Variants in PPM1L observed in about 807,000 individuals in gnomAD.
PPM1L encodes the protein protein phosphatase, Mg2+/Mn2+ dependent 1L.
Under a neutral mutation model 31.4 loss-of-function variants are expected in PPM1L, and 13 were observed. The ratio of observed to expected loss-of-function variants is 0.41; its 90% CI spans 0.27 to 0.66. The LOEUF (loss-of-function observed/expected upper bound fraction) is 0.66. Ranked by LOEUF, PPM1L falls within the 30% of genes least tolerant of loss-of-function variation. The pLI is 0.29. For synonymous variants in PPM1L, 184 were observed against 175.4 expected, an observed-to-expected ratio of 1.05 and a Z score of -0.39; for missense variants, 326 against 453.7, an observed-to-expected ratio of 0.72 and a Z score of 2.56.
intron 2 of PPM1L, among the ~76,000 whole-genome samples, chr3:161,042,894 C>T (rs566447230): frequency 6.6e-6 from 1 of 151,998 alleles, no homozygotes; most frequent in Admixed American, 6.5e-5. Context: ...GTGGCAGGCT[C>T]CTGTAATCCC....
chr3:160,998,527 C>T (rs1310029234), intron 2 of PPM1L, among the ~76,000 whole-genome samples: 1 of 151,830 alleles, frequency 6.6e-6, no homozygotes, highest in African/African-American at 2.4e-5. Context: ...TTATCATTAC[C>T]TTCTTCAGGG....
chr3:160,856,822 AG>A (rs1426546346), intron 1 of PPM1L, among the ~76,000 whole-genome samples: 1 of 152,026 alleles, frequency 6.6e-6, no homozygotes, highest in Non-Finnish European at 1.5e-5. Flanking sequence ...AAAAAAAAAA[AG>A]AAATTCAGAT....
At chr3:161,019,579 T>C (rs1162483291) in intron 2 of PPM1L, among the ~76,000 whole-genome samples, 4 of 152,170 alleles carry the variant, frequency 2.6e-5, no homozygotes, top group African/African-American at 9.7e-5. Flanking sequence ...ACTACAAAGA[T>C]GGAAATTTGT....
At chr3:160,920,730 A>G (rs1714377405) in intron 1 of PPM1L, among the ~76,000 whole-genome samples, 1 of 151,584 alleles carries the variant, frequency 6.6e-6, no homozygotes, top group Non-Finnish European at 1.5e-5. Flanking sequence ...GGTGGTGATG[A>G]GGGAAGCTTT....
At chr3:160,954,608 C>G (rs1233582517) in intron 1 of PPM1L, among the ~76,000 whole-genome samples, 4 of 152,118 alleles carry the variant, frequency 2.6e-5, no homozygotes, top group African/African-American at 9.7e-5. Context: ...AAATGATCCG[C>G]CCACCTCAGC....
At chr3:160,972,530 C>T (rs993266083) in intron 2 of PPM1L, among the ~76,000 whole-genome samples, 1 of 152,138 alleles carries the variant, frequency 6.6e-6, no homozygotes, top group African/African-American at 2.4e-5. Context: ...GACATGAACT[C>T]ATCATTTTTT....
intron 1 of PPM1L, among the ~76,000 whole-genome samples, chr3:160,942,277 A>G (rs1055098421): frequency 1.3e-5 from 2 of 152,074 alleles, no homozygotes; most frequent in Non-Finnish European, 2.9e-5. Flanking sequence ...TTTATTTTGT[A>G]GAGATGGGAG....
At chr3:161,040,222 C>A (rs562127698) in intron 2 of PPM1L, among the ~76,000 whole-genome samples, 18 of 152,230 alleles carry the variant, frequency 1.2e-4, no homozygotes, top group African/African-American at 4.3e-4. Flanking sequence ...TGATATGAAG[C>A]CATTTCTCTC....
intron 1 of PPM1L, among the ~76,000 whole-genome samples, chr3:160,863,265 T>A (rs1339457542): frequency 6.6e-6 from 1 of 152,194 alleles, no homozygotes; most frequent in East Asian, 1.9e-4. Context: ...TTCAAAACAC[T>A]TCATAGCAAA....
chr3:160,930,813 G>T (rs1188130795), intron 1 of PPM1L, among the ~76,000 whole-genome samples: 1 of 143,018 alleles, frequency 7.0e-6, no homozygotes, highest in Non-Finnish European at 1.5e-5. Context: ...TTTGGTTGCG[G>T]CTGGGTTGTA....
intron 1 of PPM1L, among the ~76,000 whole-genome samples, chr3:160,949,125 A>G (rs1377078147): frequency 6.6e-6 from 1 of 152,168 alleles, no homozygotes; most frequent in Non-Finnish European, 1.5e-5. Context: ...TGGTTGGAAT[A>G]CCAGCCATGA....
chr3:160,849,785 C>T (rs879637564), intron 1 of PPM1L, among the ~76,000 whole-genome samples: 9 of 151,506 alleles, frequency 5.9e-5, no homozygotes, highest in Non-Finnish European at 1.2e-4. Flanking sequence ...AGGATGGTCT[C>T]GATCTCCTGA....
At chr3:160,869,430 G>A (rs758019724) in intron 1 of PPM1L, among the ~76,000 whole-genome samples, 1 of 152,076 alleles carries the variant, frequency 6.6e-6, no homozygotes, top group Non-Finnish European at 1.5e-5. Context: ...AAAGCTCCTG[G>A]TTATTAAGGG....
chr3:160,760,927 A>C (rs1034416490), intron 1 of PPM1L, among the ~76,000 whole-genome samples: 1 of 152,204 alleles, frequency 6.6e-6, no homozygotes, highest in Non-Finnish European at 1.5e-5. Flanking sequence ...CACATTTTGC[A>C]TGAGGGAGAA....
At chr3:160,975,444 A>G (rs1716532812) in intron 2 of PPM1L, among the ~76,000 whole-genome samples, 1 of 152,138 alleles carries the variant, frequency 6.6e-6, no homozygotes. Context: ...ATGGCATTGA[A>G]TCTGTAAATT....
At chr3:160,917,088 G>C (rs1048332471) in intron 1 of PPM1L, among the ~76,000 whole-genome samples, 2 of 152,162 alleles carry the variant, frequency 1.3e-5, no homozygotes, top group Non-Finnish European at 2.9e-5. Context: ...TAGGATTCTT[G>C]AATGCTACTT....
intron 1 of PPM1L, among the ~76,000 whole-genome samples, chr3:160,786,178 T>TGG (rs1711921080): frequency 1.2e-5 from 1 of 80,010 alleles, no homozygotes; most frequent in Non-Finnish European, 2.1e-5. Context: ...TGTGTGTGTG[T>TGG]GTGTGTGTGT....
chr3:160,983,371 C>T (rs1307795795), intron 2 of PPM1L, among the ~76,000 whole-genome samples: 3 of 150,592 alleles, frequency 2.0e-5, no homozygotes, highest in Non-Finnish European at 4.4e-5. Context: ...TCCACAGCCA[C>T]TAAAGAAAAT....
chr3:161,021,576 C>T (rs1264617928), intron 2 of PPM1L, among the ~76,000 whole-genome samples: 1 of 151,768 alleles, frequency 6.6e-6, no homozygotes, highest in East Asian at 1.9e-4. Flanking sequence ...TATTTATTTC[C>T]TTTTTAATCT....
Sources: gnomAD v4.1 joint callset for allele counts (sites outside exome capture counted in the v4.1 genomes callset) on GRCh38, gnomAD v4.1.1 for gene constraint, MANE v1.5 for transcripts, NCBI Gene and HGNC (gene_info 2026-07-23, HGNC 2026-07-21) for gene names.